The following SLC28A2 variants were observed in gnomAD, a reference collection of about 807,000 sequenced individuals.
SLC28A2 encodes the protein solute carrier family 28 member 2.
A neutral mutation model predicts 72.9 loss-of-function variants in SLC28A2; 69 were observed. The observed-to-expected ratio is 0.95, with a 90% CI of 0.78 to 1.16. The LOEUF is 1.16. Ranked by LOEUF, SLC28A2 falls within the 50% of genes most tolerant of loss-of-function variation. SLC28A2 has a pLI of 0.00. For synonymous variants in SLC28A2, 296 were observed against 294.1 expected (o/e 1.01, Z -0.07); for missense variants, 745 against 791.1 (o/e 0.94, Z 0.70).
At chr15:45,256,451 G>A (rs1191299535) in intron 3 of SLC28A2, among the ~76,000 whole-genome samples, 2 of 151,876 alleles carry the variant, frequency 1.3e-5, no homozygotes, top group Admixed American at 1.3e-4. Context: ...GTCTCACTCT[G>A]TCATCCAGGC....
intron 12 of SLC28A2, 80 bp downstream of exon 12, chr15:45,267,876 C>T (rs1253251622): frequency 5.4e-6 from 8 of 1,492,178 alleles, no homozygotes; most frequent in Non-Finnish European, 7.5e-6. Context: ...GACTTCAAGT[C>T]TCCCTGAGGG....
In SLC28A2 at chr15:45,268,270, T is replaced by G. The variant is rs1487025961; in HGVS notation, c.1260T>G (p.Ala420=). 6.2e-7 allele frequency: 1 copy of G among 1,612,812 alleles called. No individual in the cohort carries two copies. The highest frequency in any genetic ancestry group is 8.5e-7 in the Non-Finnish European group (1 of 1,178,884). ...GAGCCGTAGATGCCATAGGCCTTGC[T>G]ACTAATGTAGCAGCCAACCTGATTG... The part of the protein sequence containing the change: ...SNGAVDAIGL[A]TNVAANLIAF... Residue 420 remains alanine (A), a synonymous_variant, in exon 13 of 18, where the codon GCT becomes GCG. Coordinates refer to ENST00000347644, the MANE Select transcript of SLC28A2 (RefSeq NM_004212.4).
chr15:45,274,336 TAAAACAAAAC>T (rs565069955), intron 17 of SLC28A2, among the ~76,000 whole-genome samples: 40 of 151,950 alleles, frequency 2.6e-4, no homozygotes, highest in African/African-American at 9.4e-4. Flanking sequence ...CCATCTCTAC[TAAAACAAAAC>T]AAAACAAAAC....
chr15:45,268,038 T>C (rs758386251), intron 12 of SLC28A2, among the ~76,000 whole-genome samples, 172 bp from the exon 13 acceptor site: 5 of 152,178 alleles, frequency 3.3e-5, no homozygotes, highest in Non-Finnish European at 7.3e-5. Context: ...CAATTATATC[T>C]GATATTGCTT....
At position 45,265,636 on chromosome 15, in the gene SLC28A2, G is replaced by C; in HGVS notation, c.834G>C (p.Leu278=). Reference sequence around the variant, plus strand: ...GTGTGGTGTCCATTCTCTACTACCTGGGCCTTGTGCAATGGGTAGTTCAGA... The same window carrying C: ...GTGTGGTGTCCATTCTCTACTACCTCGGCCTTGTGCAATGGGTAGTTCAGA... ...FGCVVSILYY[L]GLVQWVVQKV... Residue 278 remains leucine (L), a synonymous_variant, in exon 9 of 18, where the codon CTG becomes CTC. Transcript: ENST00000347644. 1.2e-6 allele frequency: 2 copies of C among 1,613,242 alleles called. No individual in the cohort carries two copies. Among genetic ancestry groups the C allele is most frequent in the East Asian group, 2.2e-5 (1 of 44,864 alleles).
rs1900463602 is a variant in SLC28A2 at position 45,269,344 on chromosome 15, T to G, written c.1375T>G (p.Cys459Gly). The G allele has an allele frequency of 6.2e-7, 1 of 1,613,652 alleles. No homozygotes were observed. Among genetic ancestry groups the G allele is most frequent in the Non-Finnish European group, 8.5e-7 (1 of 1,179,574 alleles). Reference protein sequence around the residue: ...DIQGLTFQVICSYLLRPMVFM... With the variant: ...DIQGLTFQVIGSYLLRPMVFM... Reference sequence around the variant, plus strand: ...ATATCTCTCTTTCACTCAGGTCATCTGCTCCTATCTCCTAAGGCCCATGGT... The same window carrying G: ...ATATCTCTCTTTCACTCAGGTCATCGGCTCCTATCTCCTAAGGCCCATGGT... The change falls in exon 14 of 18, where the codon TGC becomes GGC. Residue 459 changes from cysteine to glycine, a missense_variant. Cys to Gly is a radical substitution (Grantham distance 159). Coordinates refer to ENST00000347644, the MANE Select transcript of SLC28A2 (RefSeq NM_004212.4).
chr15:45,263,143 C>T lies in SLC28A2; in HGVS notation c.345C>T (p.Ile115=). The stretch of plus-strand genomic sequence containing the variant: ...TGTTTGTCATCACCTGCTTGGTGAT[C>T]TTTGTCCTGGTTCACTCGTTTTTGA... ...LALFVITCLV[I]FVLVHSFLKK... is the part of the protein sequence containing the mutation. The change falls in exon 5 of 18, where the codon ATC becomes ATT. Residue 115 remains isoleucine (I), a synonymous_variant. Coordinates refer to ENST00000347644, the MANE Select transcript of SLC28A2 (RefSeq NM_004212.4). The T allele has an allele frequency of 6.2e-7, 1 of 1,613,972 alleles. No individual in the cohort carries two copies. Among genetic ancestry groups the T allele is most frequent in the Non-Finnish European group, 8.5e-7 (1 of 1,179,870 alleles).
At chr15:45,255,058 C>T (rs1159190111) in intron 3 of SLC28A2, 1 of 151,740 alleles carries the variant, frequency 6.6e-6, no homozygotes, top group African/African-American at 2.4e-5. Context: ...AATTCAAGAC[C>T]AGCCTGAGCA....
intron 17 of SLC28A2, among the ~76,000 whole-genome samples, chr15:45,274,183 G>A (rs1422565294): frequency 6.6e-6 from 1 of 152,150 alleles, no homozygotes; most frequent in African/African-American, 2.4e-5. Flanking sequence ...CTTCAAGAGA[G>A]AAATCAGAGC....
At chr15:45,258,683 C>T (rs1034155902) in intron 3 of SLC28A2, among the ~76,000 whole-genome samples, 3 of 152,144 alleles carry the variant, frequency 2.0e-5, no homozygotes, top group African/African-American at 7.2e-5. Context: ...GTACTTTGTA[C>T]ATTTTTAATT....
At chr15:45,265,051 C>A in intron 7 of SLC28A2, 38 bp from the exon 8 acceptor site, 1 of 1,486,272 alleles carries the variant, frequency 6.7e-7, no homozygotes, top group Non-Finnish European at 9.4e-7. Flanking sequence ...TTTTGGGTTT[C>A]ATTCTTATTC....
At position 45,263,901 on chromosome 15, in the gene SLC28A2, T is replaced by C. The variant is rs371859483; in HGVS notation, c.467T>C (p.Leu156Ser). 6.8e-6 allele frequency: 11 copies of C among 1,611,266 alleles called. No individual in the cohort carries two copies. The highest frequency in any genetic ancestry group is 9.3e-6 in the Non-Finnish European group (11 of 1,178,792). The change falls in exon 6 of 18, where the codon TTG (leucine) becomes TCG (serine). Residue 156 changes from leucine to serine, a missense_variant. Physicochemically the swap from Leu to Ser is moderately radical, Grantham distance 145 (BLOSUM62 -2). Transcript: ENST00000347644. The stretch of plus-strand genomic sequence containing the variant: ...TTCAGGGTGTTTGCAGGAGTCTCCT[T>C]GGTTGGCCTTATACTGTGGTTGGCT... ...WTKWVFAGVS[L>S]VGLILWLALD... is the part of the protein sequence containing the mutation.
rs748199522 is a variant in SLC28A2, at chr15:45,263,242, A to T, written c.444A>T (p.Lys148Asn). 6.2e-6 allele frequency: 10 copies of T among 1,613,052 alleles called. No individual in the cohort carries two copies. Among genetic ancestry groups the T allele is most frequent in the Non-Finnish European group, 8.5e-6 (10 of 1,179,676 alleles). ...ACTCCCGCCTGAGGCTTTGGACGAA[A>T]TGGTAAGATAAGAATCTCAATACCT... ...FENSRLRLWTKWVFAGVSLVG... is the reference protein window; with the variant it reads ...FENSRLRLWTNWVFAGVSLVG... The change falls in exon 5 of 18, where the codon AAA becomes AAT. Residue 148 changes from lysine to asparagine, a missense_variant and splice_region_variant. Coordinates refer to ENST00000347644, the MANE Select transcript of SLC28A2 (RefSeq NM_004212.4).
chr15:45,272,765 T>C lies in SLC28A2; in HGVS notation c.1840T>C (p.Cys614Arg). The change falls in exon 17 of 18, where the codon TGC (cysteine) becomes CGC (arginine). Residue 614 changes from cysteine to arginine, a missense_variant. Cys to Arg is a radical substitution (Grantham distance 180). Coordinates refer to ENST00000347644, the MANE Select transcript of SLC28A2 (RefSeq NM_004212.4). The part of the protein sequence containing the change: ...TNRTYETYMC[C>R]RGLFQSTSLN... The stretch of plus-strand genomic sequence containing the variant: ...TAGAACCTATGAGACCTACATGTGC[T>C]GCAGAGGGCTCTTTCAGAGGTGAGC... The C allele has an allele frequency of 1.2e-6, 2 of 1,603,598 alleles. No individual in the cohort carries two copies. Among genetic ancestry groups the C allele is most frequent in the Non-Finnish European group, 8.5e-7 (1 of 1,170,392 alleles).
At chr15:45,258,741 T>A (rs911085643) in intron 3 of SLC28A2, among the ~76,000 whole-genome samples, 4 of 152,226 alleles carry the variant, frequency 2.6e-5, no homozygotes, top group African/African-American at 9.6e-5. Flanking sequence ...TATCTGCTCA[T>A]TTTACTGTGG....
chr15:45,259,787 G>A (rs902713429), intron 3 of SLC28A2, among the ~76,000 whole-genome samples: 3 of 152,142 alleles, frequency 2.0e-5, no homozygotes, highest in Non-Finnish European at 4.4e-5. Flanking sequence ...CAGGTAAACA[G>A]AAAAATGACA....
rs1258356908 is a variant in SLC28A2 at position 45,276,956 on chromosome 15, C to T, written c.*1443C>T. The stretch of plus-strand genomic sequence containing the variant: ...CATTTGCTCCAAGTTTATGGGGAAG[C>T]CTTTAAAACAGTAATTTTCAGTGGG... On this transcript the variant is annotated 3_prime_UTR_variant, in exon 18 of 18. Coordinates refer to ENST00000347644, the MANE Select transcript of SLC28A2 (RefSeq NM_004212.4). The T allele has an allele frequency of 6.9e-6, 1 of 144,804 alleles. No individual in the cohort carries two copies. The highest frequency in any genetic ancestry group is 1.5e-5 in the Non-Finnish European group (1 of 66,140). The allele number at this position is 144,804 out of a possible 1,614,324, so 9.0% of individuals were successfully genotyped here.
At position 45,253,422 on chromosome 15, in the gene SLC28A2, G is replaced by T; in HGVS notation, c.82-10G>T. On this transcript the variant is annotated splice_polypyrimidine_tract_variant and intron_variant, in intron 2 of 17. Transcript: ENST00000347644. Reference sequence around the variant, plus strand: ...TCCATGACTGATCCCAATGCTCTCTGTGCTTGTAGGAAAAAGAAGTAGAGC... The same window carrying T: ...TCCATGACTGATCCCAATGCTCTCTTTGCTTGTAGGAAAAAGAAGTAGAGC... 1 of 1,611,088 alleles carries T rather than the reference G, an allele frequency of 6.2e-7. No homozygotes were observed. Among genetic ancestry groups the T allele is most frequent in the South Asian group, 1.1e-5 (1 of 91,010 alleles).
chr15:45,256,885 C>A (rs527905492), intron 3 of SLC28A2, among the ~76,000 whole-genome samples: 2 of 152,230 alleles, frequency 1.3e-5, no homozygotes, highest in East Asian at 3.9e-4. Flanking sequence ...TCCCTTATAT[C>A]ACAAACCTCT....
Sources: gnomAD v4.1 joint callset for allele counts (sites outside exome capture counted in the v4.1 genomes callset) on GRCh38, gnomAD v4.1.1 for gene constraint, MANE v1.5 for transcripts, NCBI Gene and HGNC (gene_info 2026-07-23, HGNC 2026-07-21) for gene names.